Variants in METTL8 observed in about 807,000 individuals in gnomAD.
METTL8 encodes methyltransferase 8, tRNA N3-cytidine.
In METTL8, 32 loss-of-function variants were observed where a neutral mutation model predicts 48.7. The ratio of observed to expected loss-of-function variants is 0.66; its 90% CI spans 0.50 to 0.88. The LOEUF (loss-of-function observed/expected upper bound fraction) is 0.88, where lower values mean the gene tolerates loss of function less well. Ranked by LOEUF, METTL8 falls within the 40% of genes least tolerant of loss-of-function variation. The pLI is 0.00. For synonymous variants in METTL8, 136 were observed against 157.1 expected, an observed-to-expected ratio of 0.87 and a Z score of 1.01; for missense variants, 464 against 474.4, an observed-to-expected ratio of 0.98 and a Z score of 0.20.
chr2:171,434,545 GC>G, upstream of METTL8: 1 of 1,524,248 alleles, frequency 6.6e-7, no homozygotes, highest in Non-Finnish European at 8.8e-7. Flanking sequence ...CCACTCGGCG[GC>G]CCAGCCTACC....
At chr2:171,326,274 A>ATT in intron 7 of METTL8, 126 bp from the exon 8 acceptor site, 2 of 583,776 alleles carry the variant, frequency 3.4e-6, no homozygotes, top group Non-Finnish European at 3.0e-6. Context: ...AACCATAAAC[A>ATT]TAAGGGTAAC....
At chr2:171,419,822 A>AC (rs1330443541) in intron 1 of METTL8, among the ~76,000 whole-genome samples, 3 of 152,048 alleles carry the variant, frequency 2.0e-5, no homozygotes, top group Non-Finnish European at 4.4e-5. Context: ...TCATGTACCC[A>AC]CCATTATAGT....
intron 1 of METTL8, among the ~76,000 whole-genome samples, chr2:171,414,245 C>T (rs191870349): frequency 6.6e-6 from 1 of 152,144 alleles, no homozygotes; most frequent in Admixed American, 6.5e-5. Flanking sequence ...TGGAGAAACC[C>T]CATTTCTACT....
chr2:171,423,973 G>A (rs879404959), intron 1 of METTL8, among the ~76,000 whole-genome samples: 3 of 152,176 alleles, frequency 2.0e-5, no homozygotes, highest in Admixed American at 6.5e-5. Flanking sequence ...GCTGGATGCA[G>A]GGCCCTCCTA....
chr2:171,374,048 T>C (rs1026547081), intron 2 of METTL8, among the ~76,000 whole-genome samples: 4 of 152,210 alleles, frequency 2.6e-5, no homozygotes, highest in Non-Finnish European at 5.9e-5. Flanking sequence ...GGGATGGCAT[T>C]GAATCTATAA....
rs566206583 is a variant in METTL8 at position 171,387,434 on chromosome 2, G to A, written c.143+4609C>T. 7.7e-4 allele frequency among the ~76,000 whole-genome samples: 117 copies of A among 152,160 alleles called. 1 individual carries two copies. Among genetic ancestry groups the A allele is most frequent in the Middle Eastern group, 6.8e-3 (2 of 294 alleles). On this transcript the variant is annotated intron_variant, in intron 2 of 9. Coordinates refer to ENST00000375258, the MANE Select transcript of METTL8 (RefSeq NM_001321154.2). Reference sequence around the variant, plus strand: ...AATCCCAGATACTCAGGAGGCTGAGGCAGGAGAATTGCTTGAACCTGGGAG... The same window carrying A: ...AATCCCAGATACTCAGGAGGCTGAGACAGGAGAATTGCTTGAACCTGGGAG...
At chr2:171,335,447 G>C (rs898883353) in intron 5 of METTL8, among the ~76,000 whole-genome samples, 10 of 152,030 alleles carry the variant, frequency 6.6e-5, no homozygotes, top group African/African-American at 1.9e-4. Flanking sequence ...TTTTGAGACA[G>C]AGTCTCTTGC....
At chr2:171,326,781 C>T (rs1327813707) in intron 7 of METTL8, among the ~76,000 whole-genome samples, 1 of 152,082 alleles carries the variant, frequency 6.6e-6, no homozygotes, top group Non-Finnish European at 1.5e-5. Flanking sequence ...GTACCAACCC[C>T]TATCTCCTTA....
intron 2 of METTL8, among the ~76,000 whole-genome samples, chr2:171,364,905 C>T (rs1685560325): frequency 1.3e-5 from 2 of 152,062 alleles, no homozygotes; most frequent in Admixed American, 6.5e-5. Context: ...TGATATTTGA[C>T]AAATTTGACA....
At chr2:171,361,205 G>GCTT (rs1685129344) in intron 2 of METTL8, among the ~76,000 whole-genome samples, 1 of 150,148 alleles carries the variant, frequency 6.7e-6, no homozygotes, top group Non-Finnish European at 1.5e-5. Context: ...AGCGACAACT[G>GCTT]TATACAAGAA....
At chr2:171,379,057 T>C (rs1279513111) in intron 2 of METTL8, among the ~76,000 whole-genome samples, 1 of 152,180 alleles carries the variant, frequency 6.6e-6, no homozygotes, top group East Asian at 1.9e-4. Context: ...TAACAAATAG[T>C]CTCTCAGACC....
upstream of METTL8, chr2:171,434,269 C>G: frequency 1.9e-6 from 1 of 533,630 alleles, no homozygotes; most frequent in South Asian, 1.5e-5. Flanking sequence ...CTACATTTCC[C>G]GGTGAGAGAG....
chr2:171,396,822 G>T (rs1689108527), intron 1 of METTL8, among the ~76,000 whole-genome samples: 1 of 151,586 alleles, frequency 6.6e-6, no homozygotes, highest in Non-Finnish European at 1.5e-5. Context: ...AAAAGAGAAA[G>T]ATGTCAAATC....
intron 3 of METTL8, 65 bp from the exon 4 acceptor site, chr2:171,339,619 CT>C: frequency 1.2e-6 from 1 of 853,326 alleles, no homozygotes; most frequent in South Asian, 2.4e-5. Flanking sequence ...TAGCTACTGT[CT>C]TGATAATTGT....
rs528516496 is a variant in METTL8, at chr2:171,337,502, C to A, written c.607G>T (p.Val203Phe). ...ACACTATTTCCAGCTCCACAACCAA[C>A]CTAAAATCAAAAGAACAAGCAAATA... ...GSNATFRILE[V>F]GCGAGNSVFP... Residue 203 changes from valine (V) to phenylalanine (F), a missense_variant and splice_region_variant, in exon 5 of 10, where the codon GTT (valine) becomes TTT (phenylalanine). By Grantham distance (50) the Val-to-Phe change is conservative. Coordinates refer to ENST00000375258, the MANE Select transcript of METTL8 (RefSeq NM_001321154.2). 39 of 1,603,538 alleles carry A rather than the reference C, an allele frequency of 2.4e-5. No homozygotes were observed. The South Asian group carries it at 4.2e-4, about 17-fold the overall frequency.
rs1271679123 is a variant in METTL8 at position 171,323,095 on chromosome 2, T to C, written c.*1077A>G. On this transcript the variant is annotated 3_prime_UTR_variant, in exon 10 of 10. Transcript: ENST00000375258. ...TGTACTGACTTCCTATCTCATCCTG[T>C]GACTAAGAATGTCTTAACCTCCTGG... 1 of 152,230 alleles carries C rather than the reference T, an allele frequency of 6.6e-6. No individual in the cohort carries two copies. The highest frequency in any genetic ancestry group is 1.5e-5 in the Non-Finnish European group (1 of 68,032). 9.4% of individuals were successfully genotyped at this position (152,230 alleles called of 1,614,324 possible).
chr2:171,389,074 A>T (rs1688339159), intron 2 of METTL8, among the ~76,000 whole-genome samples: 1 of 152,206 alleles, frequency 6.6e-6, no homozygotes, highest in Non-Finnish European at 1.5e-5. Context: ...AAATGAAAGG[A>T]ATAGTTATAT....
chr2:171,334,111 A>C (rs1169181639), intron 5 of METTL8, among the ~76,000 whole-genome samples: 1 of 148,346 alleles, frequency 6.7e-6, no homozygotes, highest in Non-Finnish European at 1.5e-5. Flanking sequence ...CAAAACAAAA[A>C]CCAAAAAACT....
chr2:171,344,460 G>A (rs1280148586), intron 3 of METTL8, among the ~76,000 whole-genome samples: 2 of 152,156 alleles, frequency 1.3e-5, no homozygotes, highest in African/African-American at 4.8e-5. Context: ...TCTCAATTAT[G>A]AAGTATCAAG....
Sources: gnomAD v4.1 joint callset for allele counts (sites outside exome capture counted in the v4.1 genomes callset) on GRCh38, gnomAD v4.1.1 for gene constraint, MANE v1.5 for transcripts, NCBI Gene and HGNC (gene_info 2026-07-23, HGNC 2026-07-21) for gene names.